PDE1B: variants seen among roughly 807,000 people sequenced by gnomAD.
PDE1B encodes the protein phosphodiesterase 1B.
Under a neutral mutation model 66.7 loss-of-function variants are expected in PDE1B, and 13 were observed. The ratio of observed to expected loss-of-function variants is 0.19; its 90% CI spans 0.13 to 0.31. PDE1B has a LOEUF of 0.31. Among genes scored for constraint, PDE1B ranks in the 10% least tolerant of loss-of-function variants. The pLI is 1.00. For missense variants in PDE1B, 485 were observed against 682.3 expected, an observed-to-expected ratio of 0.71 and a Z score of 3.22; for synonymous variants, 230 against 253.9, an observed-to-expected ratio of 0.91 and a Z score of 0.90.
Position 54,575,655 on chromosome 12 carries a change from A to C in PDE1B, c.1267+23A>C. 6.6e-7 allele frequency: 1 copy of C among 1,518,666 alleles called. No homozygotes were observed. The highest frequency in any genetic ancestry group is 9.1e-7 in the Non-Finnish European group (1 of 1,096,158). The allele number at this position is 1,518,666 out of a possible 1,614,324, so 94.1% of individuals were successfully genotyped here. A position where few individuals can be genotyped will look rare whatever the true frequency, so the allele number is the denominator to read the frequency against. ...TAGGTGAGTGTCCTCTCCTGCAGGA[A>C]GGGGAGGACTGGGAGGGGGAAAAGA... On this transcript the variant is annotated intron_variant, in intron 12 of 15. Transcript: ENST00000243052. The surrounding 1 kb of genome is among the most constrained non-coding windows in gnomAD (Gnocchi z 4.0).
intron 2 of PDE1B, among the ~76,000 whole-genome samples, chr12:54,553,565 A>G (rs947884765): frequency 4.3e-4 from 65 of 152,230 alleles, no homozygotes; most frequent in African/African-American, 1.5e-3. Flanking sequence ...CAGGCACTCA[A>G]TAAATGCTGT....
At chr12:54,574,148 C>A (rs542508238) in intron 10 of PDE1B, 3 of 188,858 alleles carry the variant, frequency 1.6e-5, no homozygotes, top group Admixed American at 5.4e-5. Flanking sequence ...GAGAGTCATA[C>A]GAGGTTTAAA....
At chr12:54,550,617 G>T (rs1957263578) in intron 2 of PDE1B, among the ~76,000 whole-genome samples, 1 of 151,860 alleles carries the variant, frequency 6.6e-6, no homozygotes, top group Admixed American at 6.6e-5. Flanking sequence ...TGGAGGGGGG[G>T]TTGGAGCCCC....
chr12:54,568,365 G>C (rs894057174), intron 3 of PDE1B, among the ~76,000 whole-genome samples: 3 of 151,914 alleles, frequency 2.0e-5, no homozygotes, highest in Non-Finnish European at 4.4e-5. Context: ...GGGAGGCTGA[G>C]GGGGGAGGAT....
In PDE1B at chr12:54,573,277, G is replaced by A; in HGVS notation, c.836+29G>A. On this transcript the variant is annotated intron_variant, in intron 8 of 15. Transcript: ENST00000243052. The surrounding 1 kb of genome is among the most constrained non-coding windows in gnomAD (Gnocchi z 5.2). Reference sequence around the variant, plus strand: ...AGGGGTGGGGATGTGGCAGGGGCAGGAGGGGCCAAGAGGAGGTGGGGAGGT... The same window carrying A: ...AGGGGTGGGGATGTGGCAGGGGCAGAAGGGGCCAAGAGGAGGTGGGGAGGT... The A allele has an allele frequency of 6.2e-7, 1 of 1,612,530 alleles. No individual in the cohort carries two copies. Among genetic ancestry groups the A allele is most frequent in the South Asian group, 1.1e-5 (1 of 91,050 alleles).
At chr12:54,565,069 C>A (rs994714892) in intron 2 of PDE1B, among the ~76,000 whole-genome samples, 1 of 152,208 alleles carries the variant, frequency 6.6e-6, no homozygotes, top group Non-Finnish European at 1.5e-5. Context: ...TATGCAAATA[C>A]ATGCAAATGA....
chr12:54,575,064 C>T lies in PDE1B; in HGVS notation c.1065-34C>T. The T allele has an allele frequency of 6.3e-7, 1 of 1,596,798 alleles. No homozygotes were observed. The highest frequency in any genetic ancestry group is 8.6e-7 in the Non-Finnish European group (1 of 1,168,044). On this transcript the variant is annotated intron_variant, in intron 10 of 15. Transcript: ENST00000243052. This position sits in a 1 kb window ranked among gnomAD's most constrained non-coding sequence, Gnocchi z 4.0. ...TCCTAACTTCCTTTTCCTAAAAGAT[C>T]AGTCTCCCTTCCCTTGCCATCTGCC...
At chr12:54,568,501 C>T (rs1017303925) in intron 3 of PDE1B, among the ~76,000 whole-genome samples, 1 of 98,604 alleles carries the variant, frequency 1.0e-5, no homozygotes, top group Non-Finnish European at 2.5e-5. Context: ...CACACACACA[C>T]ACACACACAC....
In PDE1B at chr12:54,575,121, C is replaced by G. The variant is rs747215856; in HGVS notation, c.1088C>G (p.Ser363Cys). ...AGGATTGACAAGCCCAAGGCCCTGTCTCTACTGCTCCATGCTGCTGACATC... is the reference window on the plus strand; with the variant it reads ...AGGATTGACAAGCCCAAGGCCCTGTGTCTACTGCTCCATGCTGCTGACATC... ...LERIDKPKAL[S>C]LLLHAADISH... Residue 363 changes from serine to cysteine, a missense_variant, in exon 11 of 16, where the codon TCT becomes TGT. By Grantham distance (112) the Ser-to-Cys change is moderately radical. Around this residue, in one of 4 missense-constraint regions of PDE1B, gnomAD observed 282 missense variants for 453.4 expected, o/e 0.62. Coordinates refer to ENST00000243052, the MANE Select transcript of PDE1B (RefSeq NM_000924.4). The surrounding 1 kb of genome is among the most constrained non-coding windows in gnomAD (Gnocchi z 4.0). The G allele has an allele frequency of 1.2e-6, 2 of 1,613,906 alleles. No homozygotes were observed. Among genetic ancestry groups the G allele is most frequent in the East Asian group, 2.2e-5 (1 of 44,860 alleles).
intron 6 of PDE1B, chr12:54,571,676 C>G (rs376560771): frequency 2.0e-5 from 3 of 152,362 alleles, no homozygotes; most frequent in African/African-American, 7.2e-5. Context: ...GGGCACCTAG[C>G]CCCTCCCCTA....
Position 54,576,000 on chromosome 12 carries a change from G to C in PDE1B, c.1276G>C (p.Asp426His). Residue 426 changes from aspartate (D) to histidine (H), a missense_variant, in exon 13 of 16, where the codon GAC (aspartate) becomes CAC (histidine). Asp to His is a moderately conservative substitution (Grantham distance 81, BLOSUM62 -1). Transcript: ENST00000243052. The surrounding 1 kb of genome is among the most constrained non-coding windows in gnomAD (Gnocchi z 4.0). ...LVAQSQIGFI[D>H]FIVEPTFSVL... The stretch of plus-strand genomic sequence containing the variant: ...TTGCTCCTCCACTGCAGGGTTCATC[G>C]ACTTCATTGTGGAGCCCACATTCTC... The C allele has an allele frequency of 6.2e-7, 1 of 1,611,148 alleles. No homozygotes were observed. The highest frequency in any genetic ancestry group is 8.5e-7 in the Non-Finnish European group (1 of 1,177,252).
chr12:54,578,651 C>T lies in PDE1B; in HGVS notation c.*809C>T, dbSNP rs1957810651. ...GGAGCCCTTTGCCTCCTTCCTCTCC[C>T]CTGGGGCTGGGAGGCTCCATCCGAC... On this transcript the variant is annotated 3_prime_UTR_variant, in exon 16 of 16. Coordinates refer to ENST00000243052, the MANE Select transcript of PDE1B (RefSeq NM_000924.4). The T allele has an allele frequency of 1.3e-5, 2 of 152,238 alleles. No individual in the cohort carries two copies. Among genetic ancestry groups the T allele is most frequent in the South Asian group, 2.1e-4 (1 of 4,830 alleles). The allele number at this position is 152,238 out of a possible 1,614,324, so 9.4% of individuals were successfully genotyped here.
intron 7 of PDE1B, 76 bp downstream of exon 7, chr12:54,572,817 C>CA: frequency 7.1e-7 from 1 of 1,400,892 alleles, no homozygotes; most frequent in Non-Finnish European, 1.0e-6. Context: ...ACTGTACTCC[C>CA]ATTTCCATTT....
chr12:54,572,483 T>C, intron 6 of PDE1B, 118 bp from the exon 7 acceptor site: 1 of 961,396 alleles, frequency 1.0e-6, no homozygotes, highest in South Asian at 1.5e-5. Context: ...CCTAACTAGG[T>C]TCTGTGCTCT....
In PDE1B at chr12:54,550,000, C is replaced by A. The variant is rs563103330; in HGVS notation, c.113+15C>A. ...CTTCGGTCTCTGTAAGTCCCCGGCC[C>A]GGGAATGGGGGGAAGGGACCTTAGG... On this transcript the variant is annotated intron_variant, in intron 2 of 15. Transcript: ENST00000243052. 1 of 1,611,340 alleles carries A rather than the reference C, an allele frequency of 6.2e-7. No individual in the cohort carries two copies. The highest frequency in any genetic ancestry group is 1.1e-5 in the South Asian group (1 of 90,738).
rs544977485 is a variant in PDE1B at position 54,576,998 on chromosome 12, C to T, written c.1508-227C>T. 87 of 608,254 alleles carry T rather than the reference C, an allele frequency of 1.4e-4. 1 individual carries two copies. In the South Asian group the frequency reaches 1.8e-3, roughly 12 times the overall value. The allele number at this position is 608,254 out of a possible 1,614,324, so 37.7% of individuals were successfully genotyped here. On this transcript the variant is annotated intron_variant, in intron 14 of 15. Transcript: ENST00000243052. ...TGTAGATTTGGCTAATTTGGTGGCC[C>T]TGGCTGGGAAATCTCTTCCTGTGTG...
At position 54,561,911 on chromosome 12, in the gene PDE1B, T is replaced by C. The variant is rs532273941; in HGVS notation, c.114-5063T>C. ...ATGGTAGGTGACTTATCATTGTTTCTTCCTTTTCTCTCCTTCCTGACTGCC... is the reference window on the plus strand; with the variant it reads ...ATGGTAGGTGACTTATCATTGTTTCCTCCTTTTCTCTCCTTCCTGACTGCC... On this transcript the variant is annotated intron_variant, in intron 2 of 15. Transcript: ENST00000243052. 2.6e-5 allele frequency among the ~76,000 whole-genome samples: 4 copies of C among 152,282 alleles called. No homozygotes were observed. The East Asian group carries it at 7.7e-4, about 29-fold the overall frequency.
At chr12:54,562,349 G>T (rs1957432633) in intron 2 of PDE1B, among the ~76,000 whole-genome samples, 1 of 152,234 alleles carries the variant, frequency 6.6e-6, no homozygotes, top group Non-Finnish European at 1.5e-5. Flanking sequence ...ACTTCCAGAA[G>T]TTGGGATCTG....
Position 54,556,186 on chromosome 12 carries a change from G to A in PDE1B, c.113+6201G>A, listed in dbSNP as rs752304331. Among the ~76,000 whole-genome samples the A allele has an allele frequency of 9.9e-5, 15 of 152,200 alleles. 1 individual carries two copies. Among genetic ancestry groups the A allele is most frequent in the Middle Eastern group, 3.2e-3 (1 of 316 alleles). On this transcript the variant is annotated intron_variant, in intron 2 of 15. Coordinates refer to ENST00000243052, the MANE Select transcript of PDE1B (RefSeq NM_000924.4). ...TCCAACTCTCTTCAGGATAGCAGCAGAGAAAGAGGGACAAAACCAGGACAG... is the reference window on the plus strand; with the variant it reads ...TCCAACTCTCTTCAGGATAGCAGCAAAGAAAGAGGGACAAAACCAGGACAG...
Sources: gnomAD v4.1 joint callset for allele counts (sites outside exome capture counted in the v4.1 genomes callset) on GRCh38, gnomAD v4.1.1 for gene constraint, gnomAD v4.1.1 regional missense constraint, Gnocchi (gnomAD v3.1) non-coding constraint, MANE v1.5 for transcripts, NCBI Gene and HGNC (gene_info 2026-07-23, HGNC 2026-07-21) for gene names.